Variants in P3H2 observed in about 807,000 individuals in gnomAD.
P3H2 encodes the protein leprecan-like 1.
A neutral mutation model predicts 87.0 loss-of-function variants in P3H2; 80 were observed. The ratio of observed to expected loss-of-function variants is 0.92; its 90% confidence interval spans 0.77 to 1.11. The LOEUF (loss-of-function observed/expected upper bound fraction) is 1.11, where lower values mean the gene tolerates loss of function less well. P3H2 is among the 50% of genes least tolerant of loss of function. The probability of loss-of-function intolerance (pLI) is 0.00; values close to 1 mark genes in which losing one functional copy is unlikely to be tolerated. For missense variants in P3H2, 1,001 were observed against 923.9 expected (o/e 1.08, Z -1.08); for synonymous variants, 367 against 359.3 (o/e 1.02, Z -0.24).
intron 1 of P3H2, among the ~76,000 whole-genome samples, chr3:190,012,505 A>G (rs1314104966): frequency 6.6e-6 from 1 of 152,056 alleles, no homozygotes; most frequent in Non-Finnish European, 1.5e-5. Context: ...AAATCTCATT[A>G]TTCTCTGCTG....
chr3:190,001,241 C>T (rs78916356), intron 1 of P3H2, among the ~76,000 whole-genome samples: 4 of 152,114 alleles, frequency 2.6e-5, no homozygotes, highest in African/African-American at 4.8e-5. Context: ...TTGTAAGGCA[C>T]GTGCAACAAA....
chr3:189,958,952 G>T (rs930636192), intron 14 of P3H2, among the ~76,000 whole-genome samples: 1 of 151,872 alleles, frequency 6.6e-6, no homozygotes, highest in Admixed American at 6.6e-5. Flanking sequence ...CCCTCCCAAA[G>T]TGCTGGGATT....
intron 7 of P3H2, among the ~76,000 whole-genome samples, chr3:189,984,231 T>G (rs1270508308): frequency 6.6e-6 from 1 of 152,218 alleles, no homozygotes; most frequent in Non-Finnish European, 1.5e-5. Flanking sequence ...TCACAGTTTT[T>G]CTGTTAATAA....
At position 190,041,060 on chromosome 3, in the gene P3H2, A is replaced by G. The variant is rs557043225; in HGVS notation, c.481-45618T>C. ...TATACACACACACACACACACACAC[A>G]CACACACACACACACACACACTCTC... On this transcript the variant is annotated intron_variant, in intron 1 of 14. Transcript: ENST00000319332. Among the ~76,000 whole-genome samples the G allele has an allele frequency of 4.0e-4, 18 of 44,738 alleles. 2 individuals carry two copies. The highest frequency in any genetic ancestry group is 2.3e-3 in the African/African-American group (18 of 7,874). The allele number at this position is 44,738 out of a possible 152,430, so 29.3% of individuals were successfully genotyped here.
upstream of P3H2, chr3:190,121,537 CT>C: frequency 6.6e-6 from 1 of 152,328 alleles, no homozygotes; most frequent in Non-Finnish European, 1.5e-5. Context: ...TCTCCCTTAC[CT>C]TTTCGTCCAA....
intron 6 of P3H2, among the ~76,000 whole-genome samples, chr3:189,986,568 G>A (rs781527641): frequency 3.3e-5 from 5 of 152,082 alleles, no homozygotes; most frequent in Admixed American, 6.6e-5. Context: ...CAGCCTGGGC[G>A]ACAAGAGCGA....
At chr3:189,987,705 C>G in intron 4 of P3H2, 36 bp from the exon 5 acceptor site, 1 of 1,613,658 alleles carries the variant, frequency 6.2e-7, no homozygotes, top group Non-Finnish European at 8.5e-7. Flanking sequence ...TAGAGTCAGC[C>G]TAGGTCTGTC....
intron 1 of P3H2, among the ~76,000 whole-genome samples, chr3:190,008,187 C>T (rs1386491123): frequency 6.6e-6 from 1 of 151,696 alleles, no homozygotes; most frequent in African/African-American, 2.4e-5. Flanking sequence ...AGAGCTGAAA[C>T]CTGGTCTTTT....
rs1352856554 is a variant in P3H2, at chr3:189,987,513, AACATTGGTCTCACCTCTCTGGCC to A, written c.1089_1098+13del. The A allele has an allele frequency of 1.2e-6, 2 of 1,613,194 alleles. No homozygotes were observed. Among genetic ancestry groups the A allele is most frequent in the Non-Finnish European group, 1.7e-6 (2 of 1,179,702 alleles). ...AAAAAAAAAAAGAATTTCTTTTCAA[AACATTGGTCTCACCTCTCTGGCC>A]TCAATGGATGCCGGGTCAATGCTAT... is the stretch of plus-strand genomic sequence containing the variant. On this transcript the variant is annotated splice_donor_variant and splice_donor_5th_base_variant and coding_sequence_variant and intron_variant, in exon 5 of 15. Coordinates refer to ENST00000319332, the MANE Select transcript of P3H2 (RefSeq NM_018192.4). LOFTEE classifies it high-confidence loss of function.
intron 1 of P3H2, among the ~76,000 whole-genome samples, chr3:190,107,875 T>C (rs1711910351): frequency 6.6e-6 from 1 of 151,836 alleles, no homozygotes. Context: ...ATTGATTAAA[T>C]TAATTCTCCA....
chr3:190,014,451 A>G (rs747723288), intron 1 of P3H2, among the ~76,000 whole-genome samples: 2 of 152,216 alleles, frequency 1.3e-5, no homozygotes, highest in African/African-American at 2.4e-5. Context: ...GCTTAAGGTG[A>G]AAAGGTTATC....
In P3H2 at chr3:189,966,044, A is replaced by AAAAG. The variant is rs796880303; in HGVS notation, c.1894-1950_1894-1947dup. ...AAGAAAAAGAGAGAGAGAAAGAAAG[A>AAAAG]AAAGAAAGAAAGAAAGAAAGAGAAA... On this transcript the variant is annotated intron_variant, in intron 13 of 14. Coordinates refer to ENST00000319332, the MANE Select transcript of P3H2 (RefSeq NM_018192.4). Among the ~76,000 whole-genome samples the AAAAG allele has an allele frequency of 3.0e-3, 433 of 145,382 alleles. 9 individuals carry two copies. Among genetic ancestry groups the AAAAG allele is most frequent in the African/African-American group, 0.01 (386 of 36,782 alleles).
chr3:190,071,982 T>G (rs1401567882), intron 1 of P3H2, among the ~76,000 whole-genome samples: 2 of 149,258 alleles, frequency 1.3e-5, no homozygotes, highest in Non-Finnish European at 3.0e-5. Flanking sequence ...TGAAGGGTTT[T>G]TTTTTTTTTT....
chr3:190,023,695 G>A (rs79458562), intron 1 of P3H2, among the ~76,000 whole-genome samples: 3,438 of 152,234 alleles, frequency 0.023, 127 homozygotes, highest in African/African-American at 0.077. Flanking sequence ...CCTTGTCAAT[G>A]AGAGTCTATT....
At chr3:190,087,543 C>CAA (rs1275653964) in intron 1 of P3H2, among the ~76,000 whole-genome samples, 2,008 of 68,436 alleles carry the variant, frequency 0.029, 44 homozygotes, top group African/African-American at 0.037. Context: ...GACTACATCT[C>CAA]AAAAAAAAAA....
chr3:190,013,787 T>C (rs1724668301), intron 1 of P3H2, among the ~76,000 whole-genome samples: 1 of 152,202 alleles, frequency 6.6e-6, no homozygotes, highest in Non-Finnish European at 1.5e-5. Context: ...TGCTAATAGC[T>C]TGAAAATCCT....
At chr3:190,001,077 C>A (rs710568) in intron 1 of P3H2, among the ~76,000 whole-genome samples, 115,378 of 152,112 alleles carry the variant, frequency 0.76, 44,243 homozygotes, top group East Asian at 0.93. Flanking sequence ...CATCCTTGCT[C>A]TAACAATGTT....
chr3:190,044,395 C>T (rs1447935), intron 1 of P3H2, among the ~76,000 whole-genome samples: 25,529 of 152,130 alleles, frequency 0.17, 2,469 homozygotes, highest in Non-Finnish European at 0.22. Flanking sequence ...AGCCAAGGCA[C>T]ATTCTCTGGG....
intron 1 of P3H2, among the ~76,000 whole-genome samples, chr3:190,017,221 T>C (rs568538669): frequency 5.3e-5 from 8 of 152,258 alleles, no homozygotes; most frequent in African/African-American, 1.9e-4. Context: ...CAGAGATACA[T>C]GATACATACA....
Sources: allele counts gnomAD v4.1 joint callset (sites outside exome capture counted in the v4.1 genomes callset), GRCh38; gene constraint gnomAD v4.1.1; transcripts MANE v1.5; gene names NCBI Gene and HGNC (gene_info 2026-07-23, HGNC 2026-07-21).